ZGPAT: variants seen among roughly 807,000 people sequenced by gnomAD.
The protein encoded by ZGPAT is zinc finger CCCH-type and G-patch domain containing.
ZGPAT carries 39 observed loss-of-function variants against 47.9 expected under a neutral mutation model. The observed-to-expected ratio is 0.81, with a 90% confidence interval of 0.63 to 1.06. The LOEUF (loss-of-function observed/expected upper bound fraction) is 1.06. Ranked by LOEUF, ZGPAT falls within the 50% of genes least tolerant of loss-of-function variation. ZGPAT has a pLI of 0.00. For missense variants in ZGPAT, 717 were observed against 681.4 expected, an observed-to-expected ratio of 1.05 and a Z score of -0.58; for synonymous variants, 348 against 292.9, an observed-to-expected ratio of 1.19 and a Z score of -1.92.
intron 2 of ZGPAT, among the ~76,000 whole-genome samples, chr20:63,714,828 G>C (rs1194937586): frequency 6.6e-5 from 10 of 151,760 alleles, no homozygotes. Flanking sequence ...TTTTTCTGTA[G>C]AGGTAGGGTC....
At chr20:63,727,799 CAG>C (rs2091860251) in intron 2 of ZGPAT, among the ~76,000 whole-genome samples, 1 of 152,004 alleles carries the variant, frequency 6.6e-6, no homozygotes, top group Non-Finnish European at 1.5e-5. Context: ...TGGGCCCACT[CAG>C]AGTCAGATTA....
chr20:63,732,684 GTGTGTATGCA>G (rs1481937582), intron 2 of ZGPAT, among the ~76,000 whole-genome samples: 1 of 151,390 alleles, frequency 6.6e-6, no homozygotes, highest in Non-Finnish European at 1.5e-5. Flanking sequence ...CTGTGTGCAT[GTGTGTATGCA>G]TGTGTATACA....
At chr20:63,735,108 A>G in intron 5 of ZGPAT, 51 bp from the exon 6 acceptor site, 1 of 1,463,306 alleles carries the variant, frequency 6.8e-7, no homozygotes, top group Non-Finnish European at 9.0e-7. Context: ...CGTGCTCCTC[A>G]GATTCCCGGG....
chr20:63,734,694 G>A lies in ZGPAT; in HGVS notation c.872-11G>A, dbSNP rs375103722. On this transcript the variant is annotated splice_polypyrimidine_tract_variant and intron_variant, in intron 4 of 6. Transcript: ENST00000355969. ...CTGCACAGTCCTCTGCCCTCTGTCC[G>A]TCTCTTGCAGTGGTGGGGTCAGATG... 106 of 1,613,010 alleles carry A rather than the reference G, an allele frequency of 6.6e-5. No individual in the cohort carries two copies. The highest frequency in any genetic ancestry group is 4.7e-4 in the East Asian group (21 of 44,868).
intron 2 of ZGPAT, 34 bp downstream of exon 2, chr20:63,709,198 G>A (rs2091622605): frequency 1.3e-6 from 2 of 1,599,158 alleles, no homozygotes; most frequent in Non-Finnish European, 1.7e-6. Flanking sequence ...CCAACCTTAG[G>A]GGCGTAAGGG....
chr20:63,726,458 C>T (rs2091846956), intron 2 of ZGPAT, among the ~76,000 whole-genome samples: 1 of 151,370 alleles, frequency 6.6e-6, no homozygotes. Flanking sequence ...GCCTAGGCCT[C>T]TCAAAGTGCT....
At chr20:63,712,634 G>A (rs548307171) in intron 2 of ZGPAT, among the ~76,000 whole-genome samples, 9 of 152,244 alleles carry the variant, frequency 5.9e-5, no homozygotes, top group East Asian at 5.8e-4. Flanking sequence ...GGTGGCTGAC[G>A]CCTGTAATCC....
At chr20:63,732,794 G>A (rs1007331211) in intron 2 of ZGPAT, among the ~76,000 whole-genome samples, 1 of 148,922 alleles carries the variant, frequency 6.7e-6, no homozygotes, top group African/African-American at 2.4e-5. Flanking sequence ...ATGCATGTGA[G>A]TGCATGTTTA....
rs576627586 is a variant in ZGPAT at position 63,710,082 on chromosome 20, A to C, written c.584+918A>C. Among the ~76,000 whole-genome samples, 6 of 150,882 alleles carry C rather than the reference A, an allele frequency of 4.0e-5. No individual in the cohort carries two copies. The East Asian group carries it at 5.9e-4, about 15-fold the overall frequency. ...TCACCATGTTAGCCAGGATGGTCTC[A>C]ATCTCCTGACCTCGTGATCCGCCCA... On this transcript the variant is annotated intron_variant, in intron 2 of 6. Transcript: ENST00000355969.
intron 2 of ZGPAT, among the ~76,000 whole-genome samples, chr20:63,716,344 A>G (rs1455540418): frequency 1.3e-5 from 2 of 152,032 alleles, no homozygotes; most frequent in African/African-American, 2.4e-5. Context: ...GTCAGTTTAG[A>G]TAGTTTGCAT....
In ZGPAT at chr20:63,735,283, C is replaced by T; in HGVS notation, c.1116C>T (p.Thr372=). The part of the protein sequence containing the change: ...QKQTRVGKAG[T]NKPPRCRGRG... Reference sequence around the variant, plus strand: ...AGACCAGGGTTGGCAAGGCTGGCACCAACAAGCCCCCCAGGTGCCGGGGAA... The same window carrying T: ...AGACCAGGGTTGGCAAGGCTGGCACTAACAAGCCCCCCAGGTGCCGGGGAA... The change falls in exon 6 of 7, where the codon ACC becomes ACT. Residue 372 remains threonine (T), a synonymous_variant. Coordinates refer to ENST00000355969, the MANE Select transcript of ZGPAT (RefSeq NM_181485.3). 1 of 1,605,876 alleles carries T rather than the reference C, an allele frequency of 6.2e-7. No homozygotes were observed. Among genetic ancestry groups the T allele is most frequent in the Non-Finnish European group, 8.5e-7 (1 of 1,176,200 alleles).
At chr20:63,722,631 T>TA (rs1568791939) in intron 2 of ZGPAT, among the ~76,000 whole-genome samples, 1 of 152,108 alleles carries the variant, frequency 6.6e-6, no homozygotes, top group Non-Finnish European at 1.5e-5. Flanking sequence ...ACTTAACACT[T>TA]AAAGTACAGC....
chr20:63,717,438 C>T (rs1257229001), intron 2 of ZGPAT, among the ~76,000 whole-genome samples: 3 of 151,148 alleles, frequency 2.0e-5, no homozygotes, highest in East Asian at 1.9e-4. Context: ...CAGCCTCCGC[C>T]GCCCAGGCGA....
chr20:63,711,587 G>A (rs1380041580), intron 2 of ZGPAT, among the ~76,000 whole-genome samples: 2 of 151,892 alleles, frequency 1.3e-5, no homozygotes, highest in African/African-American at 4.8e-5. Flanking sequence ...AGTTCTCTTG[G>A]ATTTGCGTTG....
At chr20:63,734,154 C>G (rs908819860) in intron 4 of ZGPAT, 9 of 271,464 alleles carry the variant, frequency 3.3e-5, no homozygotes, top group African/African-American at 9.0e-5. Flanking sequence ...ATGGAAGTTT[C>G]GGGAATGGGA....
At chr20:63,732,338 T>G (rs1190086602) in intron 2 of ZGPAT, among the ~76,000 whole-genome samples, 1 of 39,898 alleles carries the variant, frequency 2.5e-5, no homozygotes, top group Non-Finnish European at 5.4e-5. Context: ...TGCACGTGTG[T>G]GGGTGAGGTG....
Position 63,735,918 on chromosome 20 carries a change from A to G in ZGPAT, c.1535A>G (p.Ter512TrpextTer39). ...ACCCACAAGAAGATGACTGAGTTCT[A>G]GAGACCCCACAAGCACTATGGACGA... ...ADTHKKMTEF[*>W] Residue 512 changes from the stop codon to tryptophan, a stop_lost, in exon 7 of 7, where the codon TAG becomes TGG. Transcript: ENST00000355969. The G allele has an allele frequency of 6.2e-7, 1 of 1,611,476 alleles. No homozygotes were observed. The highest frequency in any genetic ancestry group is 1.1e-5 in the South Asian group (1 of 90,942).
intron 2 of ZGPAT, among the ~76,000 whole-genome samples, chr20:63,714,631 T>TATC (rs1002016350): frequency 1.2e-4 from 19 of 152,022 alleles, no homozygotes; most frequent in Admixed American, 2.0e-4. Flanking sequence ...GAGTGTTTTT[T>TATC]ATCATGAAAG....
chr20:63,732,571 A>T (rs1322605217), intron 2 of ZGPAT, among the ~76,000 whole-genome samples: 1 of 151,940 alleles, frequency 6.6e-6, no homozygotes, highest in Non-Finnish European at 1.5e-5. Context: ...CTGTATTTGC[A>T]TGAGTTCATG....
Sources: gnomAD v4.1 joint callset for allele counts (sites outside exome capture counted in the v4.1 genomes callset) on GRCh38, gnomAD v4.1.1 for gene constraint, MANE v1.5 for transcripts, NCBI Gene and HGNC (gene_info 2026-07-23, HGNC 2026-07-21) for gene names.